The following DMXL2 variants were observed in gnomAD, a reference collection of about 807,000 sequenced individuals.
The protein encoded by DMXL2 is Dmx like 2.
In DMXL2, 103 loss-of-function variants were observed where a neutral mutation model predicts 331.1. The ratio of observed to expected loss-of-function variants is 0.31; its 90% confidence interval spans 0.27 to 0.37. DMXL2 has a LOEUF of 0.37. Among genes scored for constraint, DMXL2 ranks in the 10% least tolerant of loss-of-function variants. DMXL2 has a pLI of 1.00. For missense variants in DMXL2, 3,171 were observed against 3,642.9 expected, an observed-to-expected ratio of 0.87 and a Z score of 3.33; for synonymous variants, 1,281 against 1,252.1, an observed-to-expected ratio of 1.02 and a Z score of -0.49.
chr15:51,569,297 C>T (rs1043723555), intron 2 of DMXL2, among the ~76,000 whole-genome samples: 1 of 152,118 alleles, frequency 6.6e-6, no homozygotes, highest in Admixed American at 6.5e-5. Context: ...GATGGTTTTA[C>T]CCTCACAGTG....
Position 51,542,040 on chromosome 15 carries a change from G to A in DMXL2, c.1105+293C>T, listed in dbSNP as rs1358913210. 2.0e-5 allele frequency among the ~76,000 whole-genome samples: 3 copies of A among 152,148 alleles called. No homozygotes were observed. The East Asian group carries it at 5.8e-4, about 29-fold the overall frequency. On this transcript the variant is annotated intron_variant, in intron 9 of 43. Coordinates refer to ENST00000560891, the MANE Select transcript of DMXL2 (RefSeq NM_001378457.1). ...AGAAATTACACTAATTTACCAGGCT[G>A]CCACCACTTGTGATACCAGGTTCAA...
At chr15:51,547,862 G>A (rs1024950383) in intron 6 of DMXL2, among the ~76,000 whole-genome samples, 1 of 152,146 alleles carries the variant, frequency 6.6e-6, no homozygotes, top group African/African-American at 2.4e-5. Context: ...TCAAGAGTCA[G>A]CAAATTTTTC....
intron 22 of DMXL2, among the ~76,000 whole-genome samples, chr15:51,487,647 A>G (rs1247243414): frequency 2.0e-5 from 3 of 152,004 alleles, no homozygotes; most frequent in African/African-American, 7.2e-5. Context: ...TAGTAGAGAT[A>G]GAGTTTTGCT....
chr15:51,493,716 A>G (rs2140450100), intron 19 of DMXL2, among the ~76,000 whole-genome samples: 1 of 152,310 alleles, frequency 6.6e-6, no homozygotes, highest in East Asian at 1.9e-4. Context: ...AGTGTTTTAG[A>G]CTGCCCTAGG....
chr15:51,557,754 T>C (rs2049697654), intron 6 of DMXL2, among the ~76,000 whole-genome samples: 1 of 152,150 alleles, frequency 6.6e-6, no homozygotes, highest in South Asian at 2.1e-4. Flanking sequence ...ACAAAAGTGG[T>C]AATGCAGAAC....
intron 13 of DMXL2, among the ~76,000 whole-genome samples, chr15:51,517,508 C>CT (rs2140680863): frequency 1.3e-5 from 2 of 152,324 alleles, no homozygotes; most frequent in African/African-American, 4.8e-5. Flanking sequence ...AAGTACAACC[C>CT]TGCCAGACCG....
intron 39 of DMXL2, 73 bp downstream of exon 39, chr15:51,455,993 C>T: frequency 6.5e-7 from 1 of 1,541,566 alleles, no homozygotes; most frequent in African/African-American, 1.4e-5. Context: ...TTTTTCGATG[C>T]ACTTTTATCA....
chr15:51,599,078 G>A (rs1314800382), intron 1 of DMXL2, among the ~76,000 whole-genome samples: 1 of 152,064 alleles, frequency 6.6e-6, no homozygotes, highest in Non-Finnish European at 1.5e-5. Context: ...TTATTCAAAG[G>A]GTTATAATCC....
chr15:51,568,699 AAGTGTACTGG>A, intron 2 of DMXL2, 141 bp from the exon 3 acceptor site: 1 of 621,996 alleles, frequency 1.6e-6, no homozygotes, highest in Non-Finnish European at 2.7e-6. Flanking sequence ...ATATACCTGG[AAGTGTACTGG>A]AGTTAAGAGT....
intron 41 of DMXL2, 39 bp from the exon 42 acceptor site, chr15:51,451,736 G>T (rs2039159144): frequency 7.1e-6 from 11 of 1,547,610 alleles, no homozygotes; most frequent in Non-Finnish European, 9.8e-6. Flanking sequence ...CATCATAAAT[G>T]ATTGTTATAA....
intron 4 of DMXL2, 54 bp downstream of exon 4, chr15:51,565,034 T>C (rs2050183876): frequency 9.7e-7 from 1 of 1,028,448 alleles, no homozygotes; most frequent in Non-Finnish European, 1.4e-6. Context: ...ATTATTATCA[T>C]ACATTTAAAA....
intron 13 of DMXL2, among the ~76,000 whole-genome samples, chr15:51,535,301 AT>A (rs2048226202): frequency 6.6e-6 from 1 of 152,154 alleles, no homozygotes; most frequent in African/African-American, 2.4e-5. Context: ...AAAAGTTCCA[AT>A]TTTCCAACCT....
chr15:51,574,405 C>T (rs2050876053), intron 2 of DMXL2, among the ~76,000 whole-genome samples: 1 of 150,658 alleles, frequency 6.6e-6, no homozygotes, highest in African/African-American at 2.4e-5. Context: ...ACCTTTAAAA[C>T]TCAATTAGGT....
chr15:51,523,319 G>T (rs1421202776), intron 13 of DMXL2, among the ~76,000 whole-genome samples: 1 of 152,158 alleles, frequency 6.6e-6, no homozygotes, highest in Admixed American at 6.5e-5. Flanking sequence ...TTTTAGAAAG[G>T]TTAAAAAATC....
In DMXL2 at chr15:51,480,684, G is replaced by A; in HGVS notation, c.6422C>T (p.Ala2141Val). The A allele has an allele frequency of 6.2e-7, 1 of 1,612,532 alleles. No individual in the cohort carries two copies. The highest frequency in any genetic ancestry group is 8.5e-7 in the Non-Finnish European group (1 of 1,178,854). ...RRRLQAKREH[A>V]ERRKSWLQKN... Reference sequence around the variant, plus strand: ...CTGCAACCACGACTTTCGTCTTTCTGCATGCTCTCGTTTGGCCTGCAATCT... The same window carrying A: ...CTGCAACCACGACTTTCGTCTTTCTACATGCTCTCGTTTGGCCTGCAATCT... The change falls in exon 24 of 44, where the codon GCA (alanine) becomes GTA (valine). Residue 2141 changes from alanine to valine, a missense_variant. Transcript: ENST00000560891.
At chr15:51,578,876 A>T (rs1232647500) in intron 1 of DMXL2, among the ~76,000 whole-genome samples, 1 of 152,206 alleles carries the variant, frequency 6.6e-6, no homozygotes, top group Non-Finnish European at 1.5e-5. Flanking sequence ...AGGCCAAGGC[A>T]GGAAGATCAC....
Position 51,458,615 on chromosome 15 carries a change from C to T in DMXL2, c.8089G>A (p.Glu2697Lys). The T allele has an allele frequency of 1.2e-6, 2 of 1,613,900 alleles. No homozygotes were observed. The highest frequency in any genetic ancestry group is 1.7e-6 in the Non-Finnish European group (2 of 1,179,862). Residue 2697 changes from glutamate to lysine, a missense_variant, in exon 36 of 44, where the codon GAA becomes AAA. Glu to Lys is a moderately conservative substitution (Grantham distance 56, BLOSUM62 1). Transcript: ENST00000560891. ...AFSVNKANCN[E>K]IVLASTHDVQ... ...TCATGTGTTGAAGCCAAAACAATTT[C>T]ATTACAATTTGCCTATAAAGCAAAG...
In DMXL2 at chr15:51,536,291, A is replaced by G; in HGVS notation, c.2189T>C (p.Val730Ala). The G allele has an allele frequency of 6.2e-7, 1 of 1,614,104 alleles. No homozygotes were observed. Among genetic ancestry groups the G allele is most frequent in the Non-Finnish European group, 8.5e-7 (1 of 1,179,966 alleles). Residue 730 changes from valine to alanine, a missense_variant, in exon 12 of 44, where the codon GTA becomes GCA. Physicochemically the swap from Val to Ala is moderately conservative, Grantham distance 64. Coordinates refer to ENST00000560891, the MANE Select transcript of DMXL2 (RefSeq NM_001378457.1). ...GTATGACAAAGGTCCTATTGGGTCT[A>G]CACGCCACAGAATAAGTTCACTGTA... ...AIYSELILWRVDPIGPLSYTG... is the reference protein window; with the variant it reads ...AIYSELILWRADPIGPLSYTG...
Position 51,486,210 on chromosome 15 carries a change from T to A in DMXL2, c.5345A>T (p.Asp1782Val), listed in dbSNP as rs759577405. 1 of 1,614,090 alleles carries A rather than the reference T, an allele frequency of 6.2e-7. No homozygotes were observed. The highest frequency in any genetic ancestry group is 1.3e-5 in the African/African-American group (1 of 75,036). Residue 1782 changes from aspartate (D) to valine (V), a missense_variant, in exon 23 of 44, where the codon GAT (aspartate) becomes GTT (valine). Physicochemically the swap from Asp to Val is radical, Grantham distance 152 (BLOSUM62 -3). This residue lies in a region of DMXL2 where 252 missense variants were observed against 387.4 expected (regional missense o/e 0.65). Transcript: ENST00000560891. ...TCTTTTGCAACTGAATCCTGAGCCATCCTTTTGGCAACCCAAAATCTTCTG... is the reference window on the plus strand; with the variant it reads ...TCTTTTGCAACTGAATCCTGAGCCAACCTTTTGGCAACCCAAAATCTTCTG... ...LNQKILGCQK[D>V]GSGFSCKRLH...
Sources: gnomAD v4.1 joint callset for allele counts (sites outside exome capture counted in the v4.1 genomes callset) on GRCh38, gnomAD v4.1.1 for gene constraint, gnomAD v4.1.1 regional missense constraint, MANE v1.5 for transcripts, NCBI Gene and HGNC (gene_info 2026-07-23, HGNC 2026-07-21) for gene names.